Variants in HINFP observed in about 807,000 individuals in gnomAD.
The protein encoded by HINFP is MBD2 (methyl-CpG-binding protein)-interacting zinc finger protein.
In HINFP, 20 loss-of-function variants were observed where a neutral mutation model predicts 50.1. The observed-to-expected ratio is 0.40, with a 90% CI of 0.28 to 0.58. HINFP has a LOEUF of 0.58. Ranked by LOEUF, HINFP falls within the 20% of genes least tolerant of loss-of-function variation. HINFP has a pLI of 0.45. For synonymous variants in HINFP, 247 were observed against 243.7 expected (o/e 1.01, Z -0.13); for missense variants, 505 against 664.1 (o/e 0.76, Z 2.63).
chr11:119,129,567 T>TC (rs1947638762), intron 2 of HINFP, among the ~76,000 whole-genome samples: 1 of 148,860 alleles, frequency 6.7e-6, no homozygotes, highest in African/African-American at 2.5e-5. Flanking sequence ...TTCATGCCAC[T>TC]CTCCTGCCTC....
intron 1 of HINFP, chr11:119,124,659 C>T (rs1266926166): frequency 1.3e-5 from 2 of 152,188 alleles, no homozygotes; most frequent in Non-Finnish European, 2.9e-5. Context: ...CGCTGGATAA[C>T]TACATTCGTG....
chr11:119,129,866 CCTT>C (rs1423875446), intron 2 of HINFP: 6 of 152,332 alleles, frequency 3.9e-5, no homozygotes, highest in East Asian at 1.9e-4. Flanking sequence ...AGGCAGCTCT[CCTT>C]CTCCCACCCC....
intron 1 of HINFP, among the ~76,000 whole-genome samples, chr11:119,123,460 G>A (rs561462954): frequency 6.6e-6 from 1 of 152,232 alleles, no homozygotes; most frequent in East Asian, 1.9e-4. Flanking sequence ...AGTCAGAGGA[G>A]GTGTGGGATT....
Position 119,130,807 on chromosome 11 carries a change from C to T in HINFP, c.264C>T (p.Phe88=). ...SSADLIRHVY[F]HCYHTKLKQW... is the part of the protein sequence containing the mutation. ...CTGACCTCATCCGCCATGTCTACTT[C>T]CACTGCTACCACACCAAGCTGAAAC... The change falls in exon 3 of 10, where the codon TTC becomes TTT. Residue 88 remains phenylalanine (F), a synonymous_variant. Coordinates refer to ENST00000350777, the MANE Select transcript of HINFP (RefSeq NM_198971.3). 1.9e-6 allele frequency: 3 copies of T among 1,614,226 alleles called. No individual in the cohort carries two copies. The highest frequency in any genetic ancestry group is 2.5e-6 in the Non-Finnish European group (3 of 1,180,046).
In HINFP at chr11:119,134,480, A is replaced by G; in HGVS notation, c.1536A>G (p.Pro512=). The G allele has an allele frequency of 1.2e-6, 2 of 1,605,550 alleles. No homozygotes were observed. Among genetic ancestry groups the G allele is most frequent in the South Asian group, 1.1e-5 (1 of 90,588 alleles). Residue 512 remains proline (P), a synonymous_variant, in exon 10 of 10, where the codon CCA becomes CCG. Coordinates refer to ENST00000350777, the MANE Select transcript of HINFP (RefSeq NM_198971.3). This position sits in a 1 kb window ranked among gnomAD's most constrained non-coding sequence, Gnocchi z 4.3. ...AGCTTCAAGGAATAGCTGAGGAGCCAGAGATCCAGATGGTTTGAAGGCCGC... is the reference window on the plus strand; with the variant it reads ...AGCTTCAAGGAATAGCTGAGGAGCCGGAGATCCAGATGGTTTGAAGGCCGC... The part of the protein sequence containing the change: ...MEKLQGIAEE[P]EIQMV
chr11:119,129,603 G>C (rs1227594673), intron 2 of HINFP, among the ~76,000 whole-genome samples: 5 of 151,394 alleles, frequency 3.3e-5, no homozygotes, highest in Non-Finnish European at 7.4e-5. Context: ...TGGGACTACA[G>C]GCGCCCACCA....
chr11:119,128,692 T>C (rs551555351), intron 2 of HINFP, among the ~76,000 whole-genome samples: 2 of 151,930 alleles, frequency 1.3e-5, no homozygotes, highest in African/African-American at 4.8e-5. Flanking sequence ...GGCACTATTA[T>C]TATTATTATT....
intron 2 of HINFP, among the ~76,000 whole-genome samples, chr11:119,128,503 T>C (rs1458091364): frequency 6.6e-6 from 1 of 150,832 alleles, no homozygotes; most frequent in African/African-American, 2.4e-5. Context: ...AGAGACAGGC[T>C]TTCACCATGT....
chr11:119,133,222 A>T lies in HINFP; in HGVS notation c.1139+3A>T. ...CCCTCAGGGCATCCCCGTTTTCGGT[A>T]TGTCTCTCAACCCTCCTTCCCAGAT... On this transcript the variant is annotated splice_donor_region_variant and intron_variant, in intron 9 of 9. Coordinates refer to ENST00000350777, the MANE Select transcript of HINFP (RefSeq NM_198971.3). The T allele has an allele frequency of 6.2e-7, 1 of 1,613,906 alleles. No homozygotes were observed.
At chr11:119,133,787 TC>T (rs1202818622) in intron 9 of HINFP, 2 of 519,358 alleles carry the variant, frequency 3.9e-6, no homozygotes, top group Non-Finnish European at 6.9e-6. Context: ...AGGGTTCTGA[TC>T]CTTAGCTCCA....
chr11:119,127,359 G>A (rs1487872819), intron 2 of HINFP: 1 of 363,438 alleles, frequency 2.8e-6, no homozygotes, highest in Non-Finnish European at 4.9e-6. Context: ...GTACTTTAGT[G>A]AACATTGTTT....
chr11:119,133,182 C>G lies in HINFP; in HGVS notation c.1102C>G (p.His368Asp). 2 of 1,614,232 alleles carry G rather than the reference C, an allele frequency of 1.2e-6. No individual in the cohort carries two copies. Among genetic ancestry groups the G allele is most frequent in the Non-Finnish European group, 1.7e-6 (2 of 1,180,046 alleles). Reference sequence around the variant, plus strand: ...CCTCACCGTGCACCTTCGCAAGAAGCACCAGTTCAAGTGGCCCTCAGGGCA... The same window carrying G: ...CCTCACCGTGCACCTTCGCAAGAAGGACCAGTTCAAGTGGCCCTCAGGGCA... ...NNLTVHLRKK[H>D]QFKWPSGHPR... is the part of the protein sequence containing the mutation. The change falls in exon 9 of 10, where the codon CAC becomes GAC. Residue 368 changes from histidine (H) to aspartate (D), a missense_variant. His to Asp is a moderately conservative substitution (Grantham distance 81, BLOSUM62 -1). Coordinates refer to ENST00000350777, the MANE Select transcript of HINFP (RefSeq NM_198971.3).
intron 2 of HINFP, among the ~76,000 whole-genome samples, chr11:119,129,346 C>CT (rs1165360856): frequency 1.2e-4 from 18 of 149,144 alleles, no homozygotes; most frequent in South Asian, 2.2e-4. Flanking sequence ...ACCAAAGCCA[C>CT]TTTTTTTTTA....
chr11:119,132,624 A>G (rs1372273812), intron 6 of HINFP, 37 bp from the exon 7 acceptor site: 19 of 1,614,082 alleles, frequency 1.2e-5, no homozygotes, highest in Middle Eastern at 1.6e-4. Flanking sequence ...AGGTTCCACA[A>G]GTTCTCACAT....
chr11:119,125,376 A>G (rs1159256685), intron 1 of HINFP: 1 of 152,096 alleles, frequency 6.6e-6, no homozygotes, highest in Non-Finnish European at 1.5e-5. Context: ...TCTTCAATAA[A>G]TATTTATTAC....
At chr11:119,124,125 A>AT (rs1290026431) in intron 1 of HINFP, 3 of 152,060 alleles carry the variant, frequency 2.0e-5, no homozygotes, top group African/African-American at 7.3e-5. Flanking sequence ...AGCAGTCAAT[A>AT]TTTGTAATAG....
Position 119,127,040 on chromosome 11 carries a change from CT to C in HINFP, c.99del (p.Phe33LeufsTer63). 1 of 1,614,124 alleles carries C rather than the reference CT, an allele frequency of 6.2e-7. No homozygotes were observed. Among genetic ancestry groups the C allele is most frequent in the Non-Finnish European group, 8.5e-7 (1 of 1,180,026 alleles). ...SFVCSTMEKF[F>X]EHVTQHLQQH... ...TTGTGTGCTCAACCATGGAAAAGTT[CT>C]TTGAGCATGTCACTCAGCACCTGCA... On this transcript the variant is annotated frameshift_variant, in exon 2 of 10. Transcript: ENST00000350777. LOFTEE classifies it high-confidence loss of function.
At position 119,132,718 on chromosome 11, in the gene HINFP, G is replaced by T. The variant is rs766427405; in HGVS notation, c.812G>T (p.Arg271Leu). The T allele has an allele frequency of 1.1e-5, 17 of 1,613,744 alleles. No individual in the cohort carries two copies. Among genetic ancestry groups the T allele is most frequent in the Non-Finnish European group, 1.4e-5 (16 of 1,180,016 alleles). Residue 271 changes from arginine (R) to leucine (L), a missense_variant, in exon 7 of 10, where the codon CGC becomes CTC. By Grantham distance (102) the Arg-to-Leu change is moderately radical. Coordinates refer to ENST00000350777, the MANE Select transcript of HINFP (RefSeq NM_198971.3). ...DMTCPLPSSL[R>L]NHMRFRHSED... ...ACCTGCCCGCTGCCTTCCTCCCTCC[G>T]CAACCACATGCGCTTTCGTCACAGT... is the stretch of plus-strand genomic sequence containing the variant.
Position 119,132,517 on chromosome 11 carries a change from A to G in HINFP, c.698A>G (p.His233Arg). The G allele has an allele frequency of 6.2e-7, 1 of 1,613,966 alleles. No individual in the cohort carries two copies. Among genetic ancestry groups the G allele is most frequent in the Non-Finnish European group, 8.5e-7 (1 of 1,180,000 alleles). ...CCAGAGCAGCACTTCCAGTGTTCTCACTGTTCCAAGAGATTTGCCACAGAG... is the reference window on the plus strand; with the variant it reads ...CCAGAGCAGCACTTCCAGTGTTCTCGCTGTTCCAAGAGATTTGCCACAGAG... ...SLDQQHFQCS[H>R]CSKRFATERL... Residue 233 changes from histidine to arginine, a missense_variant, in exon 6 of 10, where the codon CAC becomes CGC. Transcript: ENST00000350777.
Sources: allele counts gnomAD v4.1 joint callset (sites outside exome capture counted in the v4.1 genomes callset), GRCh38; gene constraint gnomAD v4.1.1; non-coding constraint Gnocchi (gnomAD v3.1); transcripts MANE v1.5; gene names NCBI Gene and HGNC (gene_info 2026-07-23, HGNC 2026-07-21).